VTI1A: variants seen among roughly 807,000 people sequenced by gnomAD.
VTI1A encodes vesicle transport through interaction with t-SNAREs 1A.
Under a neutral mutation model 34.9 loss-of-function variants are expected in VTI1A, and 22 were observed. The observed-to-expected ratio is 0.63, with a 90% CI of 0.45 to 0.90. The LOEUF is 0.90. Among genes scored for constraint, VTI1A ranks in the 40% least tolerant of loss-of-function variants. The pLI, the probability that VTI1A is intolerant of heterozygous loss-of-function variation, is 0.00. For missense variants in VTI1A, 268 were observed against 275.6 expected, an observed-to-expected ratio of 0.97 and a Z score of 0.20; for synonymous variants, 87 against 97.3, an observed-to-expected ratio of 0.89 and a Z score of 0.62.
intron 3 of VTI1A, among the ~76,000 whole-genome samples, chr10:112,491,682 T>C (rs1198593377): frequency 2.0e-5 from 3 of 152,192 alleles, no homozygotes; most frequent in Non-Finnish European, 1.5e-5. Flanking sequence ...TTTTACATTC[T>C]TTTTTTCTTG....
intron 7 of VTI1A, among the ~76,000 whole-genome samples, chr10:112,787,286 C>T (rs999137162): frequency 8.5e-5 from 13 of 152,056 alleles, no homozygotes; most frequent in African/African-American, 3.1e-4. Context: ...ATCTTCTTCC[C>T]TTTTTTCTTG....
At chr10:112,701,241 C>A (rs1848998228) in intron 7 of VTI1A, among the ~76,000 whole-genome samples, 1 of 152,100 alleles carries the variant, frequency 6.6e-6, no homozygotes, top group Non-Finnish European at 1.5e-5. Context: ...TTGGTTTGGA[C>A]CCAGATGCAG....
chr10:112,551,935 A>C (rs1851376574), intron 5 of VTI1A, among the ~76,000 whole-genome samples: 1 of 152,186 alleles, frequency 6.6e-6, no homozygotes, highest in African/African-American at 2.4e-5. Flanking sequence ...AAGTGATAAC[A>C]CTTATTTTTA....
Position 112,802,887 on chromosome 10 carries a change from T to G in VTI1A, c.561-12403T>G, listed in dbSNP as rs544745581. On this transcript the variant is annotated intron_variant, in intron 7 of 7. Coordinates refer to ENST00000393077, the MANE Select transcript of VTI1A (RefSeq NM_145206.4). ...TCATCACTCCATAAAACAAGGGACA[T>G]TTTGACACTGAAACAGTGGAAAGGG... Among the ~76,000 whole-genome samples the G allele has an allele frequency of 2.0e-5, 3 of 152,236 alleles. No individual in the cohort carries two copies. The East Asian group carries it at 5.8e-4, about 29-fold the overall frequency.
chr10:112,851,437 T>C, the VTI1A span, among the ~76,000 whole-genome samples: 1 of 152,218 alleles, frequency 6.6e-6, no homozygotes, highest in Non-Finnish European at 1.5e-5. Context: ...ATCTTTCTAG[T>C]ACCTCCTTCA....
intron 3 of VTI1A, among the ~76,000 whole-genome samples, chr10:112,511,396 A>G (rs569853050): frequency 6.6e-5 from 10 of 152,018 alleles, no homozygotes; most frequent in Admixed American, 5.9e-4. Flanking sequence ...GGCGTGTACC[A>G]CCACGCCCAG....
At chr10:112,750,363 A>ATT (rs36022209) in intron 7 of VTI1A, among the ~76,000 whole-genome samples, 1 of 149,242 alleles carries the variant, frequency 6.7e-6, no homozygotes, top group Admixed American at 6.7e-5. Context: ...TAATTTTGTA[A>ATT]TTTTTTTTTT....
At position 112,775,005 on chromosome 10, in the gene VTI1A, C is replaced by T. The variant is rs1851920372; in HGVS notation, c.561-40285C>T. 2.0e-5 allele frequency among the ~76,000 whole-genome samples: 3 copies of T among 152,278 alleles called. No homozygotes were observed. The South Asian group carries it at 6.2e-4, about 32-fold the overall frequency. On this transcript the variant is annotated intron_variant, in intron 7 of 7. Coordinates refer to ENST00000393077, the MANE Select transcript of VTI1A (RefSeq NM_145206.4). ...GAGAACAATGACGCCTGTGTCACCA[C>T]CAGTCAATGGCTGCCTCAGTGCCTT...
intron 7 of VTI1A, among the ~76,000 whole-genome samples, chr10:112,786,106 A>G (rs183155122): frequency 3.2e-3 from 481 of 152,226 alleles, no homozygotes; most frequent in Non-Finnish European, 4.5e-3. Context: ...ATTGTTCCTC[A>G]TTTATTTAGA....
intron 7 of VTI1A, among the ~76,000 whole-genome samples, chr10:112,770,328 C>G (rs977661688): frequency 3.3e-5 from 5 of 151,972 alleles, no homozygotes; most frequent in Admixed American, 3.3e-4. Flanking sequence ...CAGTATGACA[C>G]GAAAACAATA....
At chr10:112,705,266 CT>C (rs1849155833) in intron 7 of VTI1A, among the ~76,000 whole-genome samples, 1 of 152,054 alleles carries the variant, frequency 6.6e-6, no homozygotes, top group Non-Finnish European at 1.5e-5. Context: ...CAGTAGCTAA[CT>C]TAAGCAGAAA....
intron 3 of VTI1A, among the ~76,000 whole-genome samples, chr10:112,478,611 T>G (rs1252325741): frequency 1.3e-5 from 2 of 152,338 alleles, no homozygotes; most frequent in East Asian, 1.9e-4. Context: ...CTGAATTGGA[T>G]AGCTTTTGTA....
chr10:112,766,310 G>T (rs1590166066), intron 7 of VTI1A, among the ~76,000 whole-genome samples: 1 of 152,310 alleles, frequency 6.6e-6, no homozygotes. Context: ...TCAACAGATG[G>T]TAGCCAGTAC....
chr10:112,854,777 C>T, the VTI1A span, among the ~76,000 whole-genome samples: 11 of 152,140 alleles, frequency 7.2e-5, no homozygotes, highest in Admixed American at 4.6e-4. Context: ...AATCGGGAAG[C>T]GATAAGAAGG....
At chr10:112,560,254 T>C (rs895125034) in intron 5 of VTI1A, among the ~76,000 whole-genome samples, 4 of 152,212 alleles carry the variant, frequency 2.6e-5, no homozygotes, top group African/African-American at 9.6e-5. Context: ...TTACTAGGGT[T>C]TTTTTAAATA....
chr10:112,462,535 T>C (rs1847758787), intron 2 of VTI1A, among the ~76,000 whole-genome samples: 1 of 152,258 alleles, frequency 6.6e-6, no homozygotes, highest in Non-Finnish European at 1.5e-5. Context: ...AAATAATTGA[T>C]GATCTCAGAG....
chr10:112,507,944 T>G (rs1346265623), intron 3 of VTI1A, among the ~76,000 whole-genome samples: 1 of 152,194 alleles, frequency 6.6e-6, no homozygotes, highest in Non-Finnish European at 1.5e-5. Context: ...AGAAAAAGGT[T>G]CATGATGTTC....
chr10:112,773,064 C>A (rs1226359424), intron 7 of VTI1A, among the ~76,000 whole-genome samples: 1 of 152,150 alleles, frequency 6.6e-6, no homozygotes, highest in African/African-American at 2.4e-5. Flanking sequence ...AATTTATATA[C>A]GTCTCTTACC....
At chr10:112,830,849 A>ATATATATATTTTTTTTTTTTT in the VTI1A span, among the ~76,000 whole-genome samples, 6 of 33,496 alleles carry the variant, frequency 1.8e-4, 1 homozygote, top group African/African-American at 4.3e-4. Context: ...ATATATATAT[A>ATATATATATTTTTTTTTTTTT]TTTTTTTTTT....
Sources: allele counts gnomAD v4.1 joint callset (sites outside exome capture counted in the v4.1 genomes callset), GRCh38; gene constraint gnomAD v4.1.1; transcripts MANE v1.5; gene names NCBI Gene and HGNC (gene_info 2026-07-23, HGNC 2026-07-21).